QTGAL: variants seen among roughly 807,000 people sequenced by gnomAD.
QTGAL encodes the protein BGnT-like protein 1.
chr17:83,018,159 G>A, the QTGAL span, among the ~76,000 whole-genome samples: 12 of 124,152 alleles, frequency 9.7e-5, no homozygotes, highest in Admixed American at 1.6e-4. Flanking sequence ...CACATGCTCC[G>A]CGAACATGGT....
At chr17:82,995,385 C>CTT in the QTGAL span, among the ~76,000 whole-genome samples, 16 of 141,272 alleles carry the variant, frequency 1.1e-4, no homozygotes, top group African/African-American at 1.8e-4. Context: ...ATTTCTTTTT[C>CTT]TTTTTTTTTT....
chr17:83,013,820 G>A, the QTGAL span, among the ~76,000 whole-genome samples: 11 of 152,178 alleles, frequency 7.2e-5, no homozygotes, highest in South Asian at 4.1e-4. Context: ...AGTGATCACC[G>A]CTGTGATTCA....
chr17:82,985,467 C>G, the QTGAL span, among the ~76,000 whole-genome samples: 1 of 152,172 alleles, frequency 6.6e-6, no homozygotes, highest in Non-Finnish European at 1.5e-5. Flanking sequence ...TCTAAGAGGA[C>G]CTACCTGATT....
At chr17:83,028,979 G>A in the QTGAL span, among the ~76,000 whole-genome samples, 73 of 152,302 alleles carry the variant, frequency 4.8e-4, no homozygotes, top group African/African-American at 1.6e-3. Flanking sequence ...AGAAACACGA[G>A]GGCACGGCGT....
chr17:83,000,331 C>T, the QTGAL span, among the ~76,000 whole-genome samples: 1 of 152,160 alleles, frequency 6.6e-6, no homozygotes, highest in Admixed American at 6.5e-5. Flanking sequence ...GATGATCAGC[C>T]TCACCCAGCG....
chr17:83,040,267 T>C, the QTGAL span, among the ~76,000 whole-genome samples: 146 of 152,288 alleles, frequency 9.6e-4, no homozygotes, highest in African/African-American at 3.4e-3. Flanking sequence ...ACCATTATCT[T>C]AGAGAAGCTG....
At chr17:82,957,288 G>C in the QTGAL span, 8 of 1,613,962 alleles carry the variant, frequency 5.0e-6, no homozygotes, top group East Asian at 6.7e-5. Flanking sequence ...GGACAGGCCG[G>C]GGCCAGGGCC....
chr17:82,982,475 C>A, the QTGAL span, among the ~76,000 whole-genome samples: 1 of 142,464 alleles, frequency 7.0e-6, no homozygotes, highest in East Asian at 2.0e-4. Context: ...AAGGGCCTCA[C>A]GGAGATCCTC....
chr17:83,005,809 T>C, the QTGAL span: 1 of 1,169,844 alleles, frequency 8.5e-7, no homozygotes, highest in Non-Finnish European at 1.2e-6. The surrounding 1 kb of genome is among the most constrained non-coding windows in gnomAD (Gnocchi z 5.6). Context: ...CTGCAGAGCC[T>C]CAGAGCATCA....
chr17:82,960,941 A>G, the QTGAL span: 1 of 1,404,724 alleles, frequency 7.1e-7, no homozygotes, highest in South Asian at 1.4e-5. Flanking sequence ...CTGGGTCTCA[A>G]GGCAGAGCCT....
the QTGAL span, among the ~76,000 whole-genome samples, chr17:83,019,292 C>T: frequency 2.0e-5 from 3 of 151,998 alleles, no homozygotes; most frequent in African/African-American, 7.3e-5. Flanking sequence ...AATAAAATGG[C>T]CAGTGCGCAA....
At chr17:83,005,857 G>T in the QTGAL span, 1 of 1,355,756 alleles carries the variant, frequency 7.4e-7, no homozygotes, top group African/African-American at 1.5e-5. The surrounding 1 kb of genome is among the most constrained non-coding windows in gnomAD (Gnocchi z 5.6). Context: ...CCCGCCCTCC[G>T]CCCTGCCCGG....
At chr17:82,981,859 T>C in the QTGAL span, 3 of 152,288 alleles carry the variant, frequency 2.0e-5, no homozygotes, top group African/African-American at 7.2e-5. Flanking sequence ...GTTTTGTGTA[T>C]TATATACCGT....
the QTGAL span, among the ~76,000 whole-genome samples, chr17:83,050,000 T>G: frequency 6.6e-6 from 1 of 152,214 alleles, no homozygotes; most frequent in African/African-American, 2.4e-5. Context: ...TGAAATTGTG[T>G]TGAAAACACA....
chr17:83,005,071 G>A, the QTGAL span: 1 of 1,505,848 alleles, frequency 6.6e-7, no homozygotes, highest in Non-Finnish European at 9.1e-7. The surrounding 1 kb of genome is among the most constrained non-coding windows in gnomAD (Gnocchi z 5.6). Flanking sequence ...GGCGCCCAGA[G>A]GCGACCTGTG....
chr17:83,046,918 A>G, the QTGAL span, among the ~76,000 whole-genome samples: 1 of 152,272 alleles, frequency 6.6e-6, no homozygotes, highest in East Asian at 1.9e-4. Context: ...GATACATGCC[A>G]CAGCACAGAG....
At chr17:83,015,779 G>A in the QTGAL span, among the ~76,000 whole-genome samples, 4 of 152,212 alleles carry the variant, frequency 2.6e-5, no homozygotes, top group East Asian at 3.8e-4. The surrounding 1 kb of genome is among the most constrained non-coding windows in gnomAD (Gnocchi z 4.4). Context: ...AACTGCACAC[G>A]CGAGGAATCC....
At chr17:83,037,284 C>T in the QTGAL span, among the ~76,000 whole-genome samples, 176 of 152,200 alleles carry the variant, frequency 1.2e-3, no homozygotes, top group South Asian at 2.3e-3. This position sits in a 1 kb window ranked among gnomAD's most constrained non-coding sequence, Gnocchi z 5.2. Flanking sequence ...GGGGGGGCAT[C>T]GAGCAAGCTC....
At chr17:82,979,010 C>T in the QTGAL span, among the ~76,000 whole-genome samples, 3 of 152,084 alleles carry the variant, frequency 2.0e-5, no homozygotes, top group Non-Finnish European at 4.4e-5. Context: ...GCTCTACATG[C>T]TTACATTAAA....
Sources: allele counts gnomAD v4.1 joint callset (sites outside exome capture counted in the v4.1 genomes callset), GRCh38; gene constraint gnomAD v4.1.1; non-coding constraint Gnocchi (gnomAD v3.1); transcripts MANE v1.5; gene names NCBI Gene and HGNC (gene_info 2026-07-23, HGNC 2026-07-21).